The following PWWP3A variants were observed in gnomAD, a reference collection of about 807,000 sequenced individuals.
PWWP3A encodes the protein PWWP domain containing 3A, DNA repair factor, also known as PWWP domain-containing DNA repair factor 3A.
A neutral mutation model predicts 79.0 loss-of-function variants in PWWP3A; 53 were observed. The ratio of observed to expected loss-of-function variants is 0.67; its 90% confidence interval spans 0.54 to 0.84. The LOEUF is 0.84. Ranked by LOEUF, PWWP3A falls within the 40% of genes least tolerant of loss-of-function variation. The pLI is 0.00. For synonymous variants in PWWP3A, 443 were observed against 394.4 expected (o/e 1.12, Z -1.46); for missense variants, 973 against 948.0 (o/e 1.03, Z -0.35).
In PWWP3A at chr19:1,360,817, C is replaced by A; in HGVS notation, c.896C>A (p.Ala299Glu). The A allele has an allele frequency of 6.3e-7, 1 of 1,578,766 alleles. No homozygotes were observed. Among genetic ancestry groups the A allele is most frequent in the Admixed American group, 1.9e-5 (1 of 52,886 alleles). Residue 299 changes from alanine to glutamate, a missense_variant, in exon 5 of 14, where the codon GCG (alanine) becomes GAG (glutamate). Ala to Glu is a moderately radical substitution (Grantham distance 107). Coordinates refer to ENST00000591337, the MANE Select transcript of PWWP3A (RefSeq NM_001369789.1). The surrounding 1 kb of genome is among the most constrained non-coding windows in gnomAD (Gnocchi z 4.4). ...SACSEPGECP[A>E]KKRPRLDGSQ... ...TGCTCAGAGCCTGGAGAATGCCCTG[C>A]GAAAAAGAGGCCGCGCCTGGATGGC...
intron 6 of PWWP3A, among the ~76,000 whole-genome samples, chr19:1,363,861 C>T (rs752710782): frequency 2.0e-4 from 30 of 152,294 alleles, no homozygotes; most frequent in East Asian, 1.9e-4. Flanking sequence ...TGTTTATGGA[C>T]CACGGCACTT....
Position 1,370,988 on chromosome 19 carries a change from G to T in PWWP3A, c.1896G>T (p.Leu632=). The T allele has an allele frequency of 1.3e-6, 2 of 1,566,896 alleles. No homozygotes were observed. The highest frequency in any genetic ancestry group is 1.7e-6 in the Non-Finnish European group (2 of 1,155,446). ...EGQLDLVVKY[L]QGVYQEVGAK... ...AGCTGGACCTGGTGGTGAAGTACCT[G>T]CAGGGCGTCTACCAGGAGGTGGGGG... The change falls in exon 12 of 14, where the codon CTG becomes CTT. Residue 632 remains leucine (L), a synonymous_variant. Transcript: ENST00000591337.
Position 1,373,110 on chromosome 19 carries a change from C to G in PWWP3A, c.2025C>G (p.Asp675Glu). The change falls in exon 13 of 14, where the codon GAC (aspartate) becomes GAG (glutamate). Residue 675 changes from aspartate (D) to glutamate (E), a missense_variant. Transcript: ENST00000591337. ...ICAISAVDEV[D>E]YKTAEEKYIK... ...CGATCTCTGCGGTGGACGAGGTGGA[C>G]TACAAGACGGCTGAGGAGAAGTACA... is the stretch of plus-strand genomic sequence containing the variant. 1 of 1,614,244 alleles carries G rather than the reference C, an allele frequency of 6.2e-7. No individual in the cohort carries two copies. Among genetic ancestry groups the G allele is most frequent in the South Asian group, 1.1e-5 (1 of 91,086 alleles).
At chr19:1,376,295 G>GTTTGTTTT (rs2082393543) in intron 13 of PWWP3A, among the ~76,000 whole-genome samples, 1 of 67,048 alleles carries the variant, frequency 1.5e-5, no homozygotes. Context: ...CCGGCTGTTT[G>GTTTGTTTT]TTTTTTTTTT....
At chr19:1,365,597 C>G (rs2082111392) in intron 7 of PWWP3A, among the ~76,000 whole-genome samples, 1 of 152,274 alleles carries the variant, frequency 6.6e-6, no homozygotes. Flanking sequence ...AGCTGGGCTC[C>G]TTGTGTCGCC....
chr19:1,376,317 T>TG (rs2082399417), intron 13 of PWWP3A, among the ~76,000 whole-genome samples: 4 of 135,792 alleles, frequency 2.9e-5, no homozygotes, highest in East Asian at 2.1e-4. Context: ...GTTTGTTTTT[T>TG]TTTTTTTTTG....
chr19:1,369,776 T>C lies in PWWP3A; in HGVS notation c.1549+130T>C. 9.5e-7 allele frequency: 1 copy of C among 1,057,172 alleles called. No homozygotes were observed. Among genetic ancestry groups the C allele is most frequent in the South Asian group, 1.3e-5 (1 of 77,248 alleles). The allele number at this position is 1,057,172 out of a possible 1,614,324, so 65.5% of individuals were successfully genotyped here. On this transcript the variant is annotated intron_variant, in intron 11 of 13. Transcript: ENST00000591337. The surrounding 1 kb of genome is among the most constrained non-coding windows in gnomAD (Gnocchi z 4.0). Reference sequence around the variant, plus strand: ...ACTGTCCGCAGCCACACAGCATTGTTCAACCTCTATGAGGTTTTGATGTGA... The same window carrying C: ...ACTGTCCGCAGCCACACAGCATTGTCCAACCTCTATGAGGTTTTGATGTGA...
Position 1,376,808 on chromosome 19 carries a change from A to G in PWWP3A, c.*232A>G, listed in dbSNP as rs1420845051. ...TTTCATTTTATTTTTGGCATTTTTT[A>G]CAAGATACCGTTCGGGAAAGGCTTT... is the stretch of plus-strand genomic sequence containing the variant. On this transcript the variant is annotated 3_prime_UTR_variant, in exon 14 of 14. Coordinates refer to ENST00000591337, the MANE Select transcript of PWWP3A (RefSeq NM_001369789.1). 4.3e-6 allele frequency: 2 copies of G among 465,342 alleles called. 1 individual carries two copies. The highest frequency in any genetic ancestry group is 1.1e-3 in the Middle Eastern group (2 of 1,762). 28.8% of individuals were successfully genotyped at this position (465,342 alleles called of 1,614,324 possible). A position where few individuals can be genotyped will look rare whatever the true frequency, so the allele number is the denominator to read the frequency against.
In PWWP3A at chr19:1,370,945, A is replaced by G; in HGVS notation, c.1853A>G (p.Tyr618Cys). Residue 618 changes from tyrosine to cysteine, a missense_variant, in exon 12 of 14, where the codon TAC (tyrosine) becomes TGC (cysteine). Tyr to Cys is a radical substitution (Grantham distance 194, BLOSUM62 -2). Transcript: ENST00000591337. ...SSQYVTCVET[Y>C]LEDEGQLDLV... ...CAGTACGTGACCTGTGTGGAGACCT[A>G]CCTGGAGGATGAGGGGCAGCTGGAC... 1.3e-6 allele frequency: 2 copies of G among 1,557,172 alleles called. No individual in the cohort carries two copies. Among genetic ancestry groups the G allele is most frequent in the Non-Finnish European group, 1.7e-6 (2 of 1,149,944 alleles).
At chr19:1,357,335 A>G (rs1231342905) in intron 3 of PWWP3A, 2 of 402,736 alleles carry the variant, frequency 5.0e-6, no homozygotes, top group Non-Finnish European at 8.9e-6. Context: ...ATTGGTACAA[A>G]CACTGAATAC....
At chr19:1,375,880 A>AGTGCAACCC (rs1568967272) in intron 13 of PWWP3A, among the ~76,000 whole-genome samples, 1 of 141,610 alleles carries the variant, frequency 7.1e-6, no homozygotes. Flanking sequence ...GTCTCGGCCC[A>AGTGCAACCC]CTGCAACCCC....
intron 13 of PWWP3A, among the ~76,000 whole-genome samples, chr19:1,375,635 TTA>T (rs1600134038): frequency 1.9e-4 from 1 of 5,300 alleles, no homozygotes; most frequent in South Asian, 0.011. Context: ...ATTTTATATA[TTA>T]TATAATATAT....
chr19:1,375,032 A>G (rs1054873442), intron 13 of PWWP3A, among the ~76,000 whole-genome samples: 2 of 151,682 alleles, frequency 1.3e-5, no homozygotes, highest in Non-Finnish European at 2.9e-5. Flanking sequence ...CATCCTGGCC[A>G]CCATGGTGAA....
At position 1,356,600 on chromosome 19, in the gene PWWP3A, T is replaced by G. The variant is rs981063661; in HGVS notation, c.57+151T>G. 1.6e-5 allele frequency: 11 copies of G among 702,594 alleles called. No individual in the cohort carries two copies. The African/African-American group carries it at 1.8e-4, about 11-fold the overall frequency. 43.5% of individuals were successfully genotyped at this position (702,594 alleles called of 1,614,324 possible). A position where few individuals can be genotyped will look rare whatever the true frequency, so the allele number is the denominator to read the frequency against. ...GATTCTCGTTCCCCATTTAATGGGG[T>G]TTTGGTCTAGTGCTTCCAAGGTTAC... On this transcript the variant is annotated intron_variant, in intron 2 of 13. Coordinates refer to ENST00000591337, the MANE Select transcript of PWWP3A (RefSeq NM_001369789.1).
rs771561494 is a variant in PWWP3A at position 1,366,364 on chromosome 19, G to A, written c.1344G>A (p.Met448Ile). 6.2e-7 allele frequency: 1 copy of A among 1,614,224 alleles called. No homozygotes were observed. Among genetic ancestry groups the A allele is most frequent in the South Asian group, 1.1e-5 (1 of 91,086 alleles). Residue 448 changes from methionine (M) to isoleucine (I), a missense_variant, in exon 8 of 14, where the codon ATG (methionine) becomes ATA (isoleucine). Transcript: ENST00000591337. ...GTGTGCTATACATCGAAGGACACATGAACCCGAAAATGAAAGGGTAACCCG... is the reference window on the plus strand; with the variant it reads ...GTGTGCTATACATCGAAGGACACATAAACCCGAAAATGAAAGGGTAACCCG... ...KASVLYIEGH[M>I]NPKMKGFTVS...
rs1040805342 is a variant in PWWP3A, at chr19:1,368,667, C to CCAGCCCAGGTGCTGTTAGAG, written c.1423-583_1423-564dup. 1.3e-5 allele frequency among the ~76,000 whole-genome samples: 2 copies of CCAGCCCAGGTGCTGTTAGAG among 152,342 alleles called. No individual in the cohort carries two copies. Among genetic ancestry groups the CCAGCCCAGGTGCTGTTAGAG allele is most frequent in the South Asian group, 4.1e-4 (2 of 4,834 alleles). On this transcript the variant is annotated intron_variant, in intron 9 of 13. Coordinates refer to ENST00000591337, the MANE Select transcript of PWWP3A (RefSeq NM_001369789.1). This position sits in a 1 kb window ranked among gnomAD's most constrained non-coding sequence, Gnocchi z 4.7. ...CCTTTTCTGGGGACCCACCCTGCTG[C>CCAGCCCAGGTGCTGTTAGAG]CAGCCCAGGTGCTGTTAGAGCAGCC...
chr19:1,360,589 A>G lies in PWWP3A; in HGVS notation c.668A>G (p.Gln223Arg). The G allele has an allele frequency of 6.2e-7, 1 of 1,614,234 alleles. No homozygotes were observed. The highest frequency in any genetic ancestry group is 8.5e-7 in the Non-Finnish European group (1 of 1,180,046). The change falls in exon 5 of 14, where the codon CAG (glutamine) becomes CGG (arginine). Residue 223 changes from glutamine (Q) to arginine (R), a missense_variant. Coordinates refer to ENST00000591337, the MANE Select transcript of PWWP3A (RefSeq NM_001369789.1). The surrounding 1 kb of genome is among the most constrained non-coding windows in gnomAD (Gnocchi z 4.4). ...AGTAAGAGGGGAGGAAACTCAGCGC[A>G]GAAGGCTAGCTTGTGCCTGAATGGA... ...LASKRGGNSA[Q>R]KASLCLNGSS... is the part of the protein sequence containing the mutation.
In PWWP3A at chr19:1,367,142, C is replaced by T. The variant is rs200740665; in HGVS notation, c.1362-18C>T. 8.1e-6 allele frequency: 13 copies of T among 1,605,346 alleles called. No individual in the cohort carries two copies. Among genetic ancestry groups the T allele is most frequent in the Middle Eastern group, 3.3e-4 (2 of 6,026 alleles). ...AGGAAGTTCATTCATGTTAACTTTT[C>T]CCTCTCTCTGCTTCAAGTTTCACAG... On this transcript the variant is annotated intron_variant, in intron 8 of 13. Coordinates refer to ENST00000591337, the MANE Select transcript of PWWP3A (RefSeq NM_001369789.1).
At chr19:1,358,695 T>C in intron 4 of PWWP3A, 2 of 1,518,172 alleles carry the variant, frequency 1.3e-6, no homozygotes, top group Non-Finnish European at 1.8e-6. Context: ...CCCAGAATGG[T>C]CAGTGGTGAG....
Sources: gnomAD v4.1 joint callset for allele counts (sites outside exome capture counted in the v4.1 genomes callset) on GRCh38, gnomAD v4.1.1 for gene constraint, Gnocchi (gnomAD v3.1) non-coding constraint, MANE v1.5 for transcripts, NCBI Gene and HGNC (gene_info 2026-07-23, HGNC 2026-07-21) for gene names.